ABCA13: variants seen among roughly 807,000 people sequenced by gnomAD.
ABCA13 encodes ATP binding cassette subfamily A member 13.
In ABCA13, 476 loss-of-function variants were observed where a neutral mutation model predicts 478.7. The observed-to-expected ratio is 0.99, with a 90% confidence interval of 0.92 to 1.07. The LOEUF is 1.07. ABCA13 is among the 50% of genes least tolerant of loss of function. The probability of loss-of-function intolerance (pLI) is 0.00; values close to 1 mark genes in which losing one functional copy is unlikely to be tolerated. For missense variants in ABCA13, 6,060 were observed against 5,910.6 expected, an observed-to-expected ratio of 1.03 and a Z score of -0.83; for synonymous variants, 2,252 against 2,158.9, an observed-to-expected ratio of 1.04 and a Z score of -1.20.
At chr7:48,348,933 A>G (rs939614270) in intron 29 of ABCA13, among the ~76,000 whole-genome samples, 2 of 152,240 alleles carry the variant, frequency 1.3e-5, no homozygotes, top group South Asian at 2.1e-4. Flanking sequence ...GTTCCACTCA[A>G]TATAAATGCA....
chr7:48,539,905 CTG>C (rs1207405137), intron 55 of ABCA13, among the ~76,000 whole-genome samples: 1 of 152,172 alleles, frequency 6.6e-6, no homozygotes, highest in African/African-American at 2.4e-5. Flanking sequence ...ATATCTGTTT[CTG>C]TCTGTCGGCA....
chr7:48,445,410 A>G (rs992633508), intron 42 of ABCA13, among the ~76,000 whole-genome samples: 2 of 152,296 alleles, frequency 1.3e-5, no homozygotes. Flanking sequence ...ATGGACTCCT[A>G]AGATGATAGA....
chr7:48,642,998 C>T (rs1795206840), intron 59 of ABCA13, among the ~76,000 whole-genome samples: 1 of 152,138 alleles, frequency 6.6e-6, no homozygotes, highest in Non-Finnish European at 1.5e-5. Flanking sequence ...CAGGACTTTG[C>T]TTTCACCGTT....
chr7:48,521,539 T>A (rs1171483331), intron 53 of ABCA13, among the ~76,000 whole-genome samples: 1 of 152,192 alleles, frequency 6.6e-6, no homozygotes. Context: ...AATAGCTGAC[T>A]GAACCTGGAG....
rs1821648679 is a variant in ABCA13 at position 48,427,886 on chromosome 7, G to A, written c.12565+15G>A. ...GTCTGGCTACTGTAAGTACAGAATG[G>A]CTTCCTGCATTTCTGCTGGAGGAAC... On this transcript the variant is annotated intron_variant, in intron 42 of 61. Coordinates refer to ENST00000435803, the MANE Select transcript of ABCA13 (RefSeq NM_152701.5). The A allele has an allele frequency of 2.0e-6, 3 of 1,524,272 alleles. No homozygotes were observed. In the South Asian group the frequency reaches 3.6e-5, roughly 18 times the overall value. The allele number at this position is 1,524,272 out of a possible 1,614,324, so 94.4% of individuals were successfully genotyped here. A position where few individuals can be genotyped will look rare whatever the true frequency, so the allele number is the denominator to read the frequency against.
intron 31 of ABCA13, among the ~76,000 whole-genome samples, chr7:48,363,880 G>A (rs1249865566): frequency 1.3e-5 from 2 of 151,992 alleles, no homozygotes; most frequent in Admixed American, 1.3e-4. Context: ...TGTTTAAATT[G>A]TTTAAATATA....
At chr7:48,552,599 T>A (rs1785432618) in intron 55 of ABCA13, among the ~76,000 whole-genome samples, 2 of 151,468 alleles carry the variant, frequency 1.3e-5, no homozygotes, top group Non-Finnish European at 3.0e-5. Context: ...TTGCCTTTTT[T>A]TTTTTTAGAA....
intron 18 of ABCA13, among the ~76,000 whole-genome samples, 194 bp downstream of exon 18, chr7:48,280,114 C>T (rs1283961164): frequency 6.6e-6 from 1 of 152,188 alleles, no homozygotes; most frequent in Non-Finnish European, 1.5e-5. Context: ...CATTATTTGG[C>T]ATTCAAATAT....
chr7:48,541,713 AAG>A (rs1163584827), intron 55 of ABCA13, among the ~76,000 whole-genome samples: 1 of 111,230 alleles, frequency 9.0e-6, no homozygotes, highest in Non-Finnish European at 1.6e-5. Context: ...GGAGAAGAAA[AAG>A]AGATATATAT....
chr7:48,533,998 T>C (rs549857117), intron 55 of ABCA13, among the ~76,000 whole-genome samples: 1 of 152,240 alleles, frequency 6.6e-6, no homozygotes, highest in African/African-American at 2.4e-5. Flanking sequence ...TTACATTCAA[T>C]GTTAGTACTA....
intron 7 of ABCA13, among the ~76,000 whole-genome samples, chr7:48,232,394 G>C (rs1323419594): frequency 1.3e-5 from 2 of 151,894 alleles, no homozygotes; most frequent in Admixed American, 1.3e-4. Context: ...CCTTACAATT[G>C]AAAATGTAAT....
intron 32 of ABCA13, among the ~76,000 whole-genome samples, 175 bp downstream of exon 32, chr7:48,368,083 A>C: frequency 6.6e-6 from 1 of 152,250 alleles, no homozygotes; most frequent in East Asian, 1.9e-4. Flanking sequence ...TTTATGTTGA[A>C]GTCTGAAGCA....
intron 28 of ABCA13, among the ~76,000 whole-genome samples, chr7:48,337,924 A>G (rs1806521374): frequency 6.6e-6 from 1 of 152,226 alleles, no homozygotes; most frequent in South Asian, 2.1e-4. Context: ...GCTTCCGAAG[A>G]TGAATAGCCA....
intron 48 of ABCA13, among the ~76,000 whole-genome samples, chr7:48,496,424 A>G (rs1295721207): frequency 6.6e-6 from 1 of 152,152 alleles, no homozygotes; most frequent in African/African-American, 2.4e-5. Flanking sequence ...TACACACCAC[A>G]TCAGATGGTG....
At chr7:48,290,735 C>G (rs1051038665) in intron 20 of ABCA13, among the ~76,000 whole-genome samples, 1 of 151,986 alleles carries the variant, frequency 6.6e-6, no homozygotes, top group African/African-American at 2.4e-5. Context: ...TGGCAGAGCC[C>G]TCATGCAGTA....
Position 48,279,166 on chromosome 7 carries a change from G to A in ABCA13, c.7972G>A (p.Ala2658Thr), listed in dbSNP as rs993022676. Residue 2658 changes from alanine to threonine, a missense_variant, in exon 18 of 62, where the codon GCA (alanine) becomes ACA (threonine). Physicochemically the swap from Ala to Thr is moderately conservative, Grantham distance 58 (BLOSUM62 0). Coordinates refer to ENST00000435803, the MANE Select transcript of ABCA13 (RefSeq NM_152701.5). ...GGAAGATATGAGGAGTCTTGCGGTAGCATTTAACAATGAGACTCAAACATT... is the reference window on the plus strand; with the variant it reads ...GGAAGATATGAGGAGTCTTGCGGTAACATTTAACAATGAGACTCAAACATT... ...NLEDMRSLAVAFNNETQTFSM... is the reference protein window; with the variant it reads ...NLEDMRSLAVTFNNETQTFSM... 4.4e-6 allele frequency: 7 copies of A among 1,602,360 alleles called. No individual in the cohort carries two copies. The African/African-American group carries it at 8.0e-5, about 18-fold the overall frequency.
At chr7:48,432,019 T>A (rs771271547) in intron 42 of ABCA13, among the ~76,000 whole-genome samples, 6 of 152,316 alleles carry the variant, frequency 3.9e-5, no homozygotes, top group South Asian at 4.1e-4. Context: ...TAAAATTTTT[T>A]AATTTTACAT....
At chr7:48,491,691 C>T (rs1376873303) in intron 48 of ABCA13, among the ~76,000 whole-genome samples, 5 of 152,152 alleles carry the variant, frequency 3.3e-5, no homozygotes, top group Non-Finnish European at 7.3e-5. Context: ...CATAGCACCA[C>T]AGGAAGGTGT....
intron 53 of ABCA13, among the ~76,000 whole-genome samples, chr7:48,521,338 A>G (rs1832532088): frequency 6.6e-6 from 1 of 152,206 alleles, no homozygotes; most frequent in South Asian, 2.1e-4. Context: ...TAGAAAATCT[A>G]TTAAGGATTA....
Sources: gnomAD v4.1 joint callset for allele counts (sites outside exome capture counted in the v4.1 genomes callset) on GRCh38, gnomAD v4.1.1 for gene constraint, MANE v1.5 for transcripts, NCBI Gene and HGNC (gene_info 2026-07-23, HGNC 2026-07-21) for gene names.